The following FBN2 variants were observed in gnomAD, a reference collection of about 807,000 sequenced individuals.
The protein encoded by FBN2 is fibrillin 2.
Under a neutral mutation model 355.6 loss-of-function variants are expected in FBN2, and 105 were observed. That is an observed-to-expected ratio of 0.30 (90% confidence interval 0.25 to 0.35). The LOEUF (loss-of-function observed/expected upper bound fraction) is 0.35, where lower values mean the gene tolerates loss of function less well. FBN2 is among the 10% of genes least tolerant of loss of function. The probability of loss-of-function intolerance (pLI) is 1.00; values close to 1 mark genes in which losing one functional copy is unlikely to be tolerated. For missense variants in FBN2, 3,280 were observed against 3,758.7 expected (o/e 0.87, Z 3.33); for synonymous variants, 1,350 against 1,301.2 (o/e 1.04, Z -0.81).
At chr5:128,261,668 G>GT (rs1395482526) in intron 64 of FBN2, 68 bp downstream of exon 64, 2 of 1,449,370 alleles carry the variant, frequency 1.4e-6, no homozygotes, top group African/African-American at 1.4e-5. Flanking sequence ...AAAACGACGT[G>GT]AACTGCACTG....
intron 11 of FBN2, among the ~76,000 whole-genome samples, chr5:128,381,507 A>C (rs1326373515): frequency 1.3e-5 from 2 of 152,136 alleles, no homozygotes; most frequent in Non-Finnish European, 2.9e-5. Flanking sequence ...CTAGTTAATT[A>C]ATATCCTCTT....
rs1187872986 is a variant in FBN2 at position 128,345,584 on chromosome 5, T to A, written c.2990A>T (p.Asp997Val). 1 of 1,612,054 alleles carries A rather than the reference T, an allele frequency of 6.2e-7. No homozygotes were observed. The highest frequency in any genetic ancestry group is 8.5e-7 in the Non-Finnish European group (1 of 1,178,232). The change falls in exon 24 of 65, where the codon GAT becomes GTT. Residue 997 changes from aspartate (D) to valine (V), a missense_variant and splice_region_variant. Coordinates refer to ENST00000262464, the MANE Select transcript of FBN2 (RefSeq NM_001999.4). ...CAAGTAACACTGCTCCATGCGAATATCTACACCGAGAACGAAATCACAGGG... is the reference window on the plus strand; with the variant it reads ...CAAGTAACACTGCTCCATGCGAATAACTACACCGAGAACGAAATCACAGGG... ...TLDGTGRVCLDIRMEQCYLKW... is the reference protein window; with the variant it reads ...TLDGTGRVCLVIRMEQCYLKW...
At chr5:128,480,029 TACACAC>T (rs762120121) in intron 5 of FBN2, among the ~76,000 whole-genome samples, 2 of 103,816 alleles carry the variant, frequency 1.9e-5, no homozygotes, top group African/African-American at 7.2e-5. Context: ...TATATGTATA[TACACAC>T]ACACACACAC....
At chr5:128,413,560 C>T (rs185399408) in intron 7 of FBN2, among the ~76,000 whole-genome samples, 9 of 152,288 alleles carry the variant, frequency 5.9e-5, no homozygotes, top group Admixed American at 4.6e-4. Context: ...GACTGCCAAA[C>T]CACATAACCT....
At chr5:128,476,882 T>G (rs1755017660) in intron 5 of FBN2, among the ~76,000 whole-genome samples, 2 of 152,218 alleles carry the variant, frequency 1.3e-5, no homozygotes, top group Non-Finnish European at 2.9e-5. Flanking sequence ...TTCCACAGTG[T>G]GAAAGTGGGA....
At chr5:128,419,058 C>A (rs1164683593) in intron 7 of FBN2, among the ~76,000 whole-genome samples, 1 of 152,172 alleles carries the variant, frequency 6.6e-6, no homozygotes, top group Non-Finnish European at 1.5e-5. Flanking sequence ...CTATCACCTA[C>A]TCTGCTAAAT....
intron 7 of FBN2, among the ~76,000 whole-genome samples, chr5:128,438,994 A>AT (rs545567217): frequency 2.0e-5 from 3 of 152,036 alleles, no homozygotes; most frequent in South Asian, 4.1e-4. Flanking sequence ...ACTTTTTAAT[A>AT]TTTTTTATGA....
chr5:128,378,878 C>T lies in FBN2; in HGVS notation c.1616G>A (p.Cys539Tyr), dbSNP rs1456682417. 1.9e-6 allele frequency: 3 copies of T among 1,612,672 alleles called. No homozygotes were observed. Among genetic ancestry groups the T allele is most frequent in the Non-Finnish European group, 2.5e-6 (3 of 1,178,986 alleles). The change falls in exon 12 of 65, where the codon TGC (cysteine) becomes TAC (tyrosine). Residue 539 changes from cysteine (C) to tyrosine (Y), a missense_variant. By Grantham distance (194) the Cys-to-Tyr change is radical. Around this residue, in one of 6 missense-constraint regions of FBN2, gnomAD observed 2,284 missense variants for 2,749.5 expected, o/e 0.83. Transcript: ENST00000262464. ...TCCATTAGTGCAGGGATTTGATGTG[C>T]ATTCATCAACATCTGTGAGCAGCAA... ...ANGDCIDVDE[C>Y]TSNPCTNGDC...
At chr5:128,299,459 C>T (rs199524454) in intron 48 of FBN2, among the ~76,000 whole-genome samples, 14 of 136,456 alleles carry the variant, frequency 1.0e-4, no homozygotes, top group East Asian at 2.4e-4. Context: ...GACTGCTGTG[C>T]TAGCAATCAG....
At chr5:128,344,690 A>G (rs1240677138) in intron 24 of FBN2, among the ~76,000 whole-genome samples, 180 bp from the exon 25 acceptor site, 1 of 151,596 alleles carries the variant, frequency 6.6e-6, no homozygotes, top group Non-Finnish European at 1.5e-5. Flanking sequence ...GGTGAAAAAG[A>G]TCTTATATTC....
At chr5:128,335,317 C>T (rs141898560) in intron 29 of FBN2, 22 bp from the exon 30 acceptor site, 5 of 1,614,030 alleles carry the variant, frequency 3.1e-6, no homozygotes, top group Non-Finnish European at 4.2e-6. Flanking sequence ...AAATTAGCAT[C>T]AAATGAAAAT....
intron 34 of FBN2, among the ~76,000 whole-genome samples, chr5:128,324,274 T>C (rs1004919134): frequency 7.2e-5 from 11 of 152,290 alleles, no homozygotes; most frequent in African/African-American, 2.4e-4. Flanking sequence ...AAAGGGTTTA[T>C]TGTGTCCCTG....
chr5:128,403,760 C>T (rs1004383220), intron 8 of FBN2, among the ~76,000 whole-genome samples: 2 of 151,252 alleles, frequency 1.3e-5, no homozygotes, highest in Admixed American at 6.6e-5. Flanking sequence ...CAGTTCTTTC[C>T]TGGATATATA....
intron 48 of FBN2, among the ~76,000 whole-genome samples, chr5:128,295,474 A>G (rs1271808220): frequency 6.7e-6 from 1 of 150,056 alleles, no homozygotes; most frequent in Non-Finnish European, 1.5e-5. Context: ...ATGAGCATGG[A>G]ATGTTCTTCC....
chr5:128,339,179 T>C, intron 25 of FBN2, 118 bp from the exon 26 acceptor site: 1 of 1,017,144 alleles, frequency 9.8e-7, no homozygotes, highest in South Asian at 1.3e-5. Flanking sequence ...TACAAGGGTA[T>C]GTTTTCAGTA....
At chr5:128,354,950 ATG>A (rs1024196661) in intron 20 of FBN2, among the ~76,000 whole-genome samples, 1 of 152,206 alleles carries the variant, frequency 6.6e-6, no homozygotes, top group Non-Finnish European at 1.5e-5. Context: ...AGAGTGACAA[ATG>A]TGAGAGTCAA....
In FBN2 at chr5:128,347,032, C is replaced by A. The variant is rs187503483; in HGVS notation, c.2990-1448G>T. On this transcript the variant is annotated intron_variant, in intron 23 of 64. Coordinates refer to ENST00000262464, the MANE Select transcript of FBN2 (RefSeq NM_001999.4). ...TATCACAGGGCTCTGAGGGGCTAGT[C>A]TCCTTATAGCTGGTTCCGTCCCATA... Among the ~76,000 whole-genome samples, 159 of 152,290 alleles carry A rather than the reference C, an allele frequency of 1.0e-3. 1 individual carries two copies. Among genetic ancestry groups the A allele is most frequent in the Non-Finnish European group, 2.6e-4 (18 of 68,026 alleles).
At chr5:128,272,463 C>CATATATATGTAT (rs1765291471) in intron 61 of FBN2, among the ~76,000 whole-genome samples, 1 of 139,818 alleles carries the variant, frequency 7.2e-6, no homozygotes, top group Admixed American at 7.2e-5. Flanking sequence ...TTTGGTAAAT[C>CATATATATGTAT]ATATATATAT....
chr5:128,486,099 T>C (rs543005240), intron 5 of FBN2, among the ~76,000 whole-genome samples: 1 of 152,314 alleles, frequency 6.6e-6, no homozygotes, highest in South Asian at 2.1e-4. Context: ...TATAAAAGTA[T>C]GTTCAGAATG....
Sources: gnomAD v4.1 joint callset for allele counts (sites outside exome capture counted in the v4.1 genomes callset) on GRCh38, gnomAD v4.1.1 for gene constraint, gnomAD v4.1.1 regional missense constraint, MANE v1.5 for transcripts, NCBI Gene and HGNC (gene_info 2026-07-23, HGNC 2026-07-21) for gene names.